The following NCAM2 variants were observed in gnomAD, a reference collection of about 807,000 sequenced individuals.
NCAM2 encodes neural cell adhesion molecule 2.
A neutral mutation model predicts 98.1 loss-of-function variants in NCAM2; 30 were observed. The ratio of observed to expected loss-of-function variants is 0.31; its 90% CI spans 0.23 to 0.41. The LOEUF (loss-of-function observed/expected upper bound fraction) is 0.41. Among genes scored for constraint, NCAM2 ranks in the 10% least tolerant of loss-of-function variants. The pLI is 1.00. For synonymous variants in NCAM2, 368 were observed against 342.4 expected, an observed-to-expected ratio of 1.07 and a Z score of -0.83; for missense variants, 867 against 1,005.8, an observed-to-expected ratio of 0.86 and a Z score of 1.87.
At chr21:21,491,762 A>T (rs1986864622) in intron 15 of NCAM2, among the ~76,000 whole-genome samples, 1 of 151,546 alleles carries the variant, frequency 6.6e-6, no homozygotes, top group Non-Finnish European at 1.5e-5. Flanking sequence ...GTATATTTTA[A>T]TATATACATT....
chr21:21,160,870 T>G (rs1315297072), intron 1 of NCAM2, among the ~76,000 whole-genome samples: 4 of 152,018 alleles, frequency 2.6e-5, no homozygotes, highest in Non-Finnish European at 5.9e-5. Flanking sequence ...TTATTCTATT[T>G]AATTGTTTGT....
intron 12 of NCAM2, among the ~76,000 whole-genome samples, chr21:21,432,732 A>AT (rs1202056136): frequency 1.3e-5 from 2 of 151,974 alleles, no homozygotes; most frequent in Non-Finnish European, 2.9e-5. Flanking sequence ...TACTTTTTGT[A>AT]TTTTTATATT....
intron 1 of NCAM2, among the ~76,000 whole-genome samples, chr21:21,193,724 G>C (rs2068905278): frequency 6.6e-6 from 1 of 151,930 alleles, no homozygotes; most frequent in Non-Finnish European, 1.5e-5. Flanking sequence ...TTGATCTGTT[G>C]ACCTCATGAT....
intron 1 of NCAM2, among the ~76,000 whole-genome samples, chr21:21,057,509 G>A (rs1211909539): frequency 6.6e-6 from 1 of 151,998 alleles, no homozygotes; most frequent in African/African-American, 2.4e-5. Context: ...CAGTGTCGGA[G>A]CACTTATATT....
intron 1 of NCAM2, among the ~76,000 whole-genome samples, chr21:21,193,559 G>A (rs1436699480): frequency 6.8e-6 from 1 of 147,246 alleles, no homozygotes; most frequent in African/African-American, 2.5e-5. Context: ...GCAATGGCGC[G>A]ATCTCGGCTC....
At chr21:21,478,463 G>T (rs1029551706) in intron 15 of NCAM2, among the ~76,000 whole-genome samples, 1 of 151,912 alleles carries the variant, frequency 6.6e-6, no homozygotes, top group Non-Finnish European at 1.5e-5. Flanking sequence ...AAACCCTCTT[G>T]TAATTTCAAA....
At chr21:21,018,847 A>AGAG (rs10623402) in intron 1 of NCAM2, among the ~76,000 whole-genome samples, 90,673 of 151,802 alleles carry the variant, frequency 0.6, 27,393 homozygotes, top group East Asian at 0.81. Context: ...AAATATTTAG[A>AGAG]GAGCTTTCCT....
intron 1 of NCAM2, among the ~76,000 whole-genome samples, chr21:21,279,441 C>T (rs1329093283): frequency 6.6e-6 from 1 of 152,088 alleles, no homozygotes; most frequent in Non-Finnish European, 1.5e-5. Context: ...TCACTGCAAC[C>T]TCCGCCTTCC....
chr21:21,184,358 C>CAA (rs2068571305), intron 1 of NCAM2, among the ~76,000 whole-genome samples: 2 of 151,620 alleles, frequency 1.3e-5, no homozygotes, highest in African/African-American at 4.8e-5. Context: ...ATGATATCTT[C>CAA]AAAGAGTGTT....
At chr21:21,440,819 G>T (rs1369456633) in intron 12 of NCAM2, among the ~76,000 whole-genome samples, 1 of 152,120 alleles carries the variant, frequency 6.6e-6, no homozygotes, top group Non-Finnish European at 1.5e-5. Flanking sequence ...AAAGATTTCA[G>T]AAATTCTATT....
At chr21:21,247,025 T>TC (rs1555839427) in intron 1 of NCAM2, among the ~76,000 whole-genome samples, 2 of 151,694 alleles carry the variant, frequency 1.3e-5, no homozygotes, top group Non-Finnish European at 2.9e-5. Context: ...TTAATATGTT[T>TC]AAAAAAAATT....
At chr21:21,495,296 T>G (rs762750360) in intron 15 of NCAM2, among the ~76,000 whole-genome samples, 3 of 152,036 alleles carry the variant, frequency 2.0e-5, no homozygotes, top group Non-Finnish European at 2.9e-5. Context: ...ACTAATCATA[T>G]ATAAGGGGCT....
At chr21:21,135,301 A>G (rs2067025910) in intron 1 of NCAM2, among the ~76,000 whole-genome samples, 2 of 150,682 alleles carry the variant, frequency 1.3e-5, no homozygotes, top group Admixed American at 6.6e-5. Flanking sequence ...CTGGCCTCCC[A>G]AAATGCTGGG....
intron 1 of NCAM2, among the ~76,000 whole-genome samples, chr21:21,154,550 A>G (rs1272607563): frequency 2.0e-5 from 3 of 151,918 alleles, no homozygotes; most frequent in African/African-American, 7.2e-5. Flanking sequence ...GCAAAGAACA[A>G]TAAAGGAAAG....
At chr21:21,444,699 T>C (rs1979827702) in intron 12 of NCAM2, among the ~76,000 whole-genome samples, 2 of 152,162 alleles carry the variant, frequency 1.3e-5, no homozygotes, top group South Asian at 2.1e-4. Context: ...ATCTTTTTTA[T>C]TGTGTCTACT....
chr21:21,410,546 CAT>C (rs372718965), intron 10 of NCAM2, 85 bp downstream of exon 10: 1,783 of 645,802 alleles, frequency 2.8e-3, no homozygotes, highest in Middle Eastern at 5.3e-3. Context: ...TCTTCATATG[CAT>C]ATATATATAT....
chr21:21,081,992 C>A (rs964898605), intron 1 of NCAM2, among the ~76,000 whole-genome samples: 3 of 151,120 alleles, frequency 2.0e-5, no homozygotes, highest in African/African-American at 7.3e-5. Flanking sequence ...AATCCCAGCA[C>A]CTTGGGAGGC....
At chr21:21,084,110 G>A (rs1011127903) in intron 1 of NCAM2, among the ~76,000 whole-genome samples, 1 of 152,142 alleles carries the variant, frequency 6.6e-6, no homozygotes, top group Admixed American at 6.5e-5. Context: ...TTTGTAGAAG[G>A]CCGTTGTTTT....
intron 7 of NCAM2, 150 bp downstream of exon 7, chr21:21,335,815 T>A: frequency 1.3e-6 from 1 of 754,456 alleles, no homozygotes; most frequent in Non-Finnish European, 1.8e-6. Context: ...AGCTACCAGA[T>A]AGAATTTTTT....
Sources: allele counts gnomAD v4.1 joint callset (sites outside exome capture counted in the v4.1 genomes callset), GRCh38; gene constraint gnomAD v4.1.1; transcripts MANE v1.5; gene names NCBI Gene and HGNC (gene_info 2026-07-23, HGNC 2026-07-21).